The following STK24 variants were observed in gnomAD, a reference collection of about 807,000 sequenced individuals.
The protein encoded by STK24 is serine/threonine-protein kinase 24.
STK24 carries 21 observed loss-of-function variants against 55.6 expected under a neutral mutation model. The ratio of observed to expected loss-of-function variants is 0.38; its 90% confidence interval spans 0.27 to 0.54. STK24 has a LOEUF of 0.54. Ranked by LOEUF, STK24 falls within the 20% of genes least tolerant of loss-of-function variation. The pLI is 0.79. For missense variants in STK24, 383 were observed against 538.4 expected, an observed-to-expected ratio of 0.71 and a Z score of 2.86; for synonymous variants, 200 against 215.2, an observed-to-expected ratio of 0.93 and a Z score of 0.62.
In STK24 at chr13:98,451,795, C is replaced by T. The variant is rs1245199276; in HGVS notation, c.*1378G>A. ...GCACGAACCCTCCCACTCCAGAAACCCAGAGATTTTCCCCCTCGCCAAGCA... is the reference window on the plus strand; with the variant it reads ...GCACGAACCCTCCCACTCCAGAAACTCAGAGATTTTCCCCCTCGCCAAGCA... On this transcript the variant is annotated 3_prime_UTR_variant, in exon 11 of 11. Transcript: ENST00000539966. The T allele has an allele frequency of 6.6e-6, 1 of 152,308 alleles. No homozygotes were observed. Among genetic ancestry groups the T allele is most frequent in the Non-Finnish European group, 1.5e-5 (1 of 68,102 alleles). The allele number at this position is 152,308 out of a possible 1,614,324, so 9.4% of individuals were successfully genotyped here.
chr13:98,557,006 C>T (rs72646405), intron 1 of STK24, among the ~76,000 whole-genome samples: 3,212 of 152,298 alleles, frequency 0.021, 52 homozygotes, highest in East Asian at 0.064. Flanking sequence ...CAGCCACCCA[C>T]AGCACCTCGC....
At position 98,446,589 on chromosome 13, in the gene STK24, C is replaced by G. The variant is rs1170911155; in HGVS notation, c.*6584G>C. The G allele has an allele frequency of 2.7e-6, 4 of 1,499,514 alleles. No homozygotes were observed. The highest frequency in any genetic ancestry group is 2.3e-5 in the East Asian group (1 of 44,346). The allele number at this position is 1,499,514 out of a possible 1,614,324, so 92.9% of individuals were successfully genotyped here. On this transcript the variant is annotated 3_prime_UTR_variant, in exon 11 of 11. Coordinates refer to ENST00000539966, the MANE Select transcript of STK24 (RefSeq NM_001032296.4). ...GCTGCCTGGGCTCCCAAGTCCCTGT[C>G]TGATGCGGGGCAGCAGCCAGGCCCA...
At chr13:98,549,242 C>G (rs1394862475) in intron 1 of STK24, among the ~76,000 whole-genome samples, 1 of 152,224 alleles carries the variant, frequency 6.6e-6, no homozygotes, top group African/African-American at 2.4e-5. Flanking sequence ...TAAACAACAT[C>G]GATTCATTGC....
At chr13:98,552,118 C>T (rs1217838308) in intron 1 of STK24, among the ~76,000 whole-genome samples, 2 of 152,192 alleles carry the variant, frequency 1.3e-5, no homozygotes, top group African/African-American at 2.4e-5. Context: ...GGAATAAAAT[C>T]ATGCTTCTGT....
intron 1 of STK24, among the ~76,000 whole-genome samples, chr13:98,538,768 T>C (rs553911926): frequency 6.6e-6 from 1 of 152,306 alleles, no homozygotes; most frequent in Admixed American, 6.5e-5. Context: ...GCAGCCCACC[T>C]GCCGCCTGAC....
intron 1 of STK24, chr13:98,542,842 C>A: frequency 1.0e-6 from 1 of 979,914 alleles, no homozygotes; most frequent in Non-Finnish European, 1.2e-6. Context: ...CCAACGCTTA[C>A]CCTGTATGTC....
At chr13:98,564,591 T>A (rs1300276827) in intron 1 of STK24, among the ~76,000 whole-genome samples, 1 of 152,182 alleles carries the variant, frequency 6.6e-6, no homozygotes, top group Non-Finnish European at 1.5e-5. Flanking sequence ...GGCGTCTACA[T>A]CTGATCAGGA....
intron 2 of STK24, among the ~76,000 whole-genome samples, chr13:98,505,471 C>T (rs1461284698): frequency 6.6e-6 from 1 of 152,266 alleles, no homozygotes; most frequent in Admixed American, 6.5e-5. Flanking sequence ...TGATTAGCTT[C>T]TGTAAGCCCT....
At chr13:98,515,197 T>C (rs372474497) in intron 2 of STK24, among the ~76,000 whole-genome samples, 6 of 151,826 alleles carry the variant, frequency 4.0e-5, no homozygotes, top group South Asian at 4.2e-4. Context: ...TACTACACCA[T>C]CCTGTTCTCG....
At chr13:98,565,308 C>G (rs1897535918) in intron 1 of STK24, among the ~76,000 whole-genome samples, 2 of 152,080 alleles carry the variant, frequency 1.3e-5, no homozygotes, top group Admixed American at 1.3e-4. Context: ...TTACCAACCC[C>G]TCCAGGTGAC....
At chr13:98,572,439 C>A (rs1186066004) in intron 1 of STK24, among the ~76,000 whole-genome samples, 6 of 152,090 alleles carry the variant, frequency 3.9e-5, no homozygotes, top group Non-Finnish European at 8.8e-5. Context: ...GGAAAAGAAC[C>A]CGTGGAAATG....
At chr13:98,574,484 C>CTAATT (rs1351326481) in intron 1 of STK24, among the ~76,000 whole-genome samples, 9 of 152,106 alleles carry the variant, frequency 5.9e-5, no homozygotes, top group South Asian at 2.1e-4. Flanking sequence ...CCTCCCAGGG[C>CTAATT]AGTAGCAACT....
chr13:98,545,345 G>A (rs1296777802), intron 1 of STK24, among the ~76,000 whole-genome samples: 5 of 152,200 alleles, frequency 3.3e-5, no homozygotes, highest in Non-Finnish European at 7.3e-5. Flanking sequence ...CACACGTGCA[G>A]ATCAAAAAGT....
At position 98,524,350 on chromosome 13, in the gene STK24, G is replaced by A. The variant is rs190850209; in HGVS notation, c.43-4877C>T. The stretch of plus-strand genomic sequence containing the variant: ...CCAAGGTCAAGCCTCAAGGGACCCC[G>A]CAGTGTTCGCTCTGCCTCCTGGAAG... On this transcript the variant is annotated intron_variant, in intron 1 of 10. Transcript: ENST00000539966. Among the ~76,000 whole-genome samples, 152 of 152,194 alleles carry A rather than the reference G, an allele frequency of 1.0e-3. 3 individuals are homozygous for A. The highest frequency in any genetic ancestry group is 9.3e-4 in the Non-Finnish European group (63 of 68,014).
At chr13:98,474,707 C>G (rs1046752672) in intron 5 of STK24, 114 bp downstream of exon 5, 84 of 1,325,808 alleles carry the variant, frequency 6.3e-5, no homozygotes, top group Admixed American at 2.3e-5. Context: ...CCTTTATGAC[C>G]TACCTCAAGG....
chr13:98,511,413 CATTAAATAGAA>C (rs1476731812), intron 2 of STK24, among the ~76,000 whole-genome samples: 1 of 152,190 alleles, frequency 6.6e-6, no homozygotes, highest in African/African-American at 2.4e-5. Flanking sequence ...ATTAAACAGA[CATTAAATAGAA>C]ATTAAATACC....
chr13:98,555,031 A>AGAAAG (rs1555312203), intron 1 of STK24, among the ~76,000 whole-genome samples: 1 of 143,592 alleles, frequency 7.0e-6, no homozygotes. Flanking sequence ...AAAAAAAAAA[A>AGAAAG]AAAGAAAGAA....
intron 2 of STK24, among the ~76,000 whole-genome samples, chr13:98,502,884 G>A (rs2139348393): frequency 6.6e-6 from 1 of 152,140 alleles, no homozygotes; most frequent in African/African-American, 2.4e-5. Flanking sequence ...TAATTTCTTT[G>A]GATATGTGAA....
At chr13:98,505,907 AAC>A (rs1282127081) in intron 2 of STK24, among the ~76,000 whole-genome samples, 1 of 152,270 alleles carries the variant, frequency 6.6e-6, no homozygotes, top group East Asian at 1.9e-4. Flanking sequence ...GAATACTGTT[AAC>A]AGTTATCTGT....
Sources: gnomAD v4.1 joint callset for allele counts (sites outside exome capture counted in the v4.1 genomes callset) on GRCh38, gnomAD v4.1.1 for gene constraint, MANE v1.5 for transcripts, NCBI Gene and HGNC (gene_info 2026-07-23, HGNC 2026-07-21) for gene names.